ICOS: variants seen among roughly 807,000 people sequenced by gnomAD.
ICOS encodes inducible T cell costimulator.
Under a neutral mutation model 24.6 loss-of-function variants are expected in ICOS, and 15 were observed. The ratio of observed to expected loss-of-function variants is 0.61; its 90% confidence interval spans 0.41 to 0.94. ICOS has a LOEUF of 0.94. Ranked by LOEUF, ICOS falls within the 40% of genes least tolerant of loss-of-function variation. ICOS has a pLI of 0.00. For missense variants in ICOS, 200 were observed against 233.0 expected (o/e 0.86, Z 0.92); for synonymous variants, 89 against 77.5 (o/e 1.15, Z -0.78).
intron 1 of ICOS, 86 bp downstream of exon 1, chr2:203,936,958 A>T: frequency 5.0e-6 from 5 of 1,010,022 alleles, no homozygotes; most frequent in Non-Finnish European, 7.7e-6. Flanking sequence ...TACGCACCCA[A>T]AAGACAGTGG....
Position 203,955,648 on chromosome 2 carries a change from G to T in ICOS, c.71G>T (p.Gly24Val), listed in dbSNP as rs774325808. ...RIKVLTGEINGSANYEMFIFH... is the reference protein window; with the variant it reads ...RIKVLTGEINVSANYEMFIFH... ...TCTTTTTATGCAGGAGAAATCAATG[G>T]TTCTGCCAATTATGAGATGTTTATA... Residue 24 changes from glycine (G) to valine (V), a missense_variant, in exon 2 of 5, where the codon GGT becomes GTT. Transcript: ENST00000316386. 1.8e-5 allele frequency: 29 copies of T among 1,611,630 alleles called. No individual in the cohort carries two copies. The highest frequency in any genetic ancestry group is 2.5e-5 in the Non-Finnish European group (29 of 1,178,024).
chr2:203,941,464 T>C (rs1689774468), intron 1 of ICOS, among the ~76,000 whole-genome samples: 1 of 152,208 alleles, frequency 6.6e-6, no homozygotes, highest in Admixed American at 6.5e-5. Flanking sequence ...GTAAGATTCA[T>C]AGCATTATTT....
intron 1 of ICOS, among the ~76,000 whole-genome samples, chr2:203,947,273 T>A (rs1359813356): frequency 6.6e-6 from 1 of 152,104 alleles, no homozygotes; most frequent in Non-Finnish European, 1.5e-5. Context: ...TTGAAAACAT[T>A]AGTCTATTGA....
chr2:203,950,185 A>AGTCTAGGG (rs1689944776), intron 1 of ICOS, among the ~76,000 whole-genome samples: 1 of 152,350 alleles, frequency 6.6e-6, no homozygotes, highest in Admixed American at 6.5e-5. Flanking sequence ...CTGGGGCCTA[A>AGTCTAGGG]GTCTAGGGGT....
chr2:203,951,104 A>C (rs1178164359), intron 1 of ICOS, among the ~76,000 whole-genome samples: 2 of 152,074 alleles, frequency 1.3e-5, no homozygotes, highest in Non-Finnish European at 2.9e-5. Context: ...ACACTCTGAA[A>C]TCTTCAGCTG....
chr2:203,946,793 C>T (rs1049082522), intron 1 of ICOS, among the ~76,000 whole-genome samples: 2 of 152,142 alleles, frequency 1.3e-5, no homozygotes, highest in African/African-American at 2.4e-5. Context: ...TAACACTTAT[C>T]ATTGTTTGAT....
chr2:203,944,172 TG>T (rs1689830494), intron 1 of ICOS, among the ~76,000 whole-genome samples: 1 of 152,206 alleles, frequency 6.6e-6, no homozygotes, highest in African/African-American at 2.4e-5. Flanking sequence ...CTTCTTGCCC[TG>T]TTCAAATAGT....
chr2:203,959,414 G>C (rs1690131284), intron 4 of ICOS, among the ~76,000 whole-genome samples, 172 bp from the exon 5 acceptor site: 1 of 151,878 alleles, frequency 6.6e-6, no homozygotes, highest in African/African-American at 2.4e-5. Context: ...ACTGGTGCTG[G>C]GTGTTGAAGC....
In ICOS at chr2:203,960,530, A is replaced by G. The variant is rs886055497; in HGVS notation, c.*931A>G. 6.6e-6 allele frequency: 1 copy of G among 152,138 alleles called. No homozygotes were observed. The highest frequency in any genetic ancestry group is 2.4e-5 in the African/African-American group (1 of 41,428). The allele number at this position is 152,138 out of a possible 1,614,324, so 9.4% of individuals were successfully genotyped here. On this transcript the variant is annotated 3_prime_UTR_variant, in exon 5 of 5. Coordinates refer to ENST00000316386, the MANE Select transcript of ICOS (RefSeq NM_012092.4). ...ATTATCCTATTTTCTACCATTATCT[A>G]TGTTTTCATGGTGCTATTAATTACA... is the stretch of plus-strand genomic sequence containing the variant.
intron 1 of ICOS, among the ~76,000 whole-genome samples, chr2:203,938,121 T>A (rs1689694656): frequency 6.6e-6 from 1 of 152,158 alleles, no homozygotes; most frequent in African/African-American, 2.4e-5. Context: ...GAGAGATATA[T>A]TAATCAAATA....
intron 1 of ICOS, among the ~76,000 whole-genome samples, chr2:203,941,239 A>G (rs1689769403): frequency 6.6e-6 from 1 of 152,118 alleles, no homozygotes; most frequent in African/African-American, 2.4e-5. Flanking sequence ...CTCTTTCTAG[A>G]AATGTCTCTT....
At chr2:203,938,692 G>C (rs1689709641) in intron 1 of ICOS, among the ~76,000 whole-genome samples, 2 of 152,222 alleles carry the variant, frequency 1.3e-5, no homozygotes, top group African/African-American at 4.8e-5. Context: ...AGTAGCATCG[G>C]TGTCAATTCT....
chr2:203,959,149 C>T (rs1051727739), intron 4 of ICOS, among the ~76,000 whole-genome samples: 3 of 152,138 alleles, frequency 2.0e-5, no homozygotes, highest in Non-Finnish European at 4.4e-5. Context: ...GGGTTGCCTG[C>T]GGAGGGCATT....
In ICOS at chr2:203,960,024, C is replaced by G; in HGVS notation, c.*425C>G. 2 of 314,174 alleles carry G rather than the reference C, an allele frequency of 6.4e-6. No homozygotes were observed. Among genetic ancestry groups the G allele is most frequent in the Non-Finnish European group, 1.2e-5 (2 of 160,714 alleles). The allele number at this position is 314,174 out of a possible 1,614,324, so 19.5% of individuals were successfully genotyped here. Reference sequence around the variant, plus strand: ...TCCGCATTTCACTATCATACTACCTCTTCTTTCTGTAGGGATGAGAATTCC... The same window carrying G: ...TCCGCATTTCACTATCATACTACCTGTTCTTTCTGTAGGGATGAGAATTCC... On this transcript the variant is annotated 3_prime_UTR_variant, in exon 5 of 5. Coordinates refer to ENST00000316386, the MANE Select transcript of ICOS (RefSeq NM_012092.4).
rs767453549 is a variant in ICOS, at chr2:203,957,899, G to A, written c.586+16G>A. The A allele has an allele frequency of 1.9e-6, 3 of 1,539,430 alleles. No individual in the cohort carries two copies. Among genetic ancestry groups the A allele is most frequent in the African/African-American group, 1.4e-5 (1 of 73,350 alleles). On this transcript the variant is annotated intron_variant, in intron 4 of 4. Coordinates refer to ENST00000316386, the MANE Select transcript of ICOS (RefSeq NM_012092.4). ...AGACTCACAGGTATGACTCCATTTG[G>A]GGGTTTGGGAAGGGAAGAGGTTTCT...
At chr2:203,944,858 A>G (rs1257779435) in intron 1 of ICOS, among the ~76,000 whole-genome samples, 2 of 152,236 alleles carry the variant, frequency 1.3e-5, no homozygotes, top group African/African-American at 4.8e-5. Flanking sequence ...AGAAGTTGAC[A>G]TTTAAAATGG....
intron 3 of ICOS, 119 bp downstream of exon 3, chr2:203,956,884 T>C: frequency 1.4e-6 from 1 of 730,412 alleles, no homozygotes; most frequent in African/African-American, 1.7e-5. Context: ...AGACAATTCC[T>C]TCCCCCCAAG....
chr2:203,946,674 T>A (rs1689874765), intron 1 of ICOS, among the ~76,000 whole-genome samples: 1 of 152,172 alleles, frequency 6.6e-6, no homozygotes, highest in African/African-American at 2.4e-5. Context: ...ACTTTTTTTT[T>A]TAATGCCAGA....
At chr2:203,955,041 A>G (rs1690053937) in intron 1 of ICOS, among the ~76,000 whole-genome samples, 1 of 152,062 alleles carries the variant, frequency 6.6e-6, no homozygotes, top group Non-Finnish European at 1.5e-5. Context: ...TTGTCAGAGT[A>G]GTTTGATCAA....
Sources: allele counts gnomAD v4.1 joint callset (sites outside exome capture counted in the v4.1 genomes callset), GRCh38; gene constraint gnomAD v4.1.1; transcripts MANE v1.5; gene names NCBI Gene and HGNC (gene_info 2026-07-23, HGNC 2026-07-21).